The following KIF18A variants were observed in gnomAD, a reference collection of about 807,000 sequenced individuals.
The protein encoded by KIF18A is kinesin-like protein KIF18A.
KIF18A carries 67 observed loss-of-function variants against 103.3 expected under a neutral mutation model. The ratio of observed to expected loss-of-function variants is 0.65; its 90% CI spans 0.53 to 0.79. The LOEUF (loss-of-function observed/expected upper bound fraction) is 0.79, where lower values mean the gene tolerates loss of function less well. KIF18A is among the 30% of genes least tolerant of loss of function. KIF18A has a pLI of 0.00. For synonymous variants in KIF18A, 367 were observed against 355.5 expected (o/e 1.03, Z -0.36); for missense variants, 1,032 against 1,062.5 (o/e 0.97, Z 0.40).
chr11:28,087,408 G>A (rs1851242570), intron 6 of KIF18A, among the ~76,000 whole-genome samples: 1 of 152,166 alleles, frequency 6.6e-6, no homozygotes, highest in Admixed American at 6.5e-5. Flanking sequence ...GCCTGTAAAG[G>A]ACATGAACTC....
intron 14 of KIF18A, among the ~76,000 whole-genome samples, chr11:28,035,748 T>G (rs1850477443): frequency 6.6e-6 from 1 of 151,578 alleles, no homozygotes. Flanking sequence ...TTTCCATATT[T>G]AGATTGGGTA....
At chr11:28,041,584 G>A (rs913279693) in intron 13 of KIF18A, among the ~76,000 whole-genome samples, 1 of 151,776 alleles carries the variant, frequency 6.6e-6, no homozygotes, top group African/African-American at 2.4e-5. Context: ...AGTGTAAAGG[G>A]AGATCTGTGG....
In KIF18A at chr11:28,035,408, T is replaced by C. The variant is rs151299852; in HGVS notation, c.2483A>G (p.Lys828Arg). The change falls in exon 15 of 17, where the codon AAA becomes AGA. Residue 828 changes from lysine to arginine, a missense_variant. Coordinates refer to ENST00000263181, the MANE Select transcript of KIF18A (RefSeq NM_031217.4). ...PSYMAMTTAA[K>R]RKRKLTSSTS... ...ATACCTTGTTAATTTCCGTTTCCTT[T>C]TGGCAGCAGTAGTCATTGCCATGTA... 2.5e-5 allele frequency: 40 copies of C among 1,598,434 alleles called. No individual in the cohort carries two copies. In the African/African-American group the frequency reaches 5.1e-4, roughly 20 times the overall value.
chr11:28,067,500 A>G (rs1040147431), intron 11 of KIF18A, among the ~76,000 whole-genome samples: 1 of 152,110 alleles, frequency 6.6e-6, no homozygotes, highest in Non-Finnish European at 1.5e-5. Context: ...AATCATTTAC[A>G]GCCATTGCTA....
chr11:28,091,541 T>C (rs369922257), intron 3 of KIF18A, 28 bp from the exon 4 acceptor site: 6 of 1,277,072 alleles, frequency 4.7e-6, no homozygotes, highest in South Asian at 1.3e-5. Context: ...TGCTTTAGCA[T>C]TGATGTAAAA....
At position 28,084,690 on chromosome 11, in the gene KIF18A, T is replaced by A; in HGVS notation, c.1016A>T (p.Tyr339Phe). The A allele has an allele frequency of 6.2e-7, 1 of 1,612,982 alleles. No individual in the cohort carries two copies. The highest frequency in any genetic ancestry group is 1.1e-5 in the South Asian group (1 of 91,060). ...IAAVSPSSVF[Y>F]DDTYNTLKYA... ...CTTAAGAGTGTTATATGTGTCATCGTAGAATACAGAGGAAGGACTAACAGC... is the reference window on the plus strand; with the variant it reads ...CTTAAGAGTGTTATATGTGTCATCGAAGAATACAGAGGAAGGACTAACAGC... The change falls in exon 7 of 17, where the codon TAC (tyrosine) becomes TTC (phenylalanine). Residue 339 changes from tyrosine to phenylalanine, a missense_variant. Coordinates refer to ENST00000263181, the MANE Select transcript of KIF18A (RefSeq NM_031217.4).
chr11:28,068,120 AG>A (rs1850961402), intron 11 of KIF18A, among the ~76,000 whole-genome samples: 1 of 152,192 alleles, frequency 6.6e-6, no homozygotes, highest in African/African-American at 2.4e-5. Flanking sequence ...CGTCCTTTGC[AG>A]GGACATGGAT....
intron 13 of KIF18A, among the ~76,000 whole-genome samples, chr11:28,047,140 A>T (rs1257371160): frequency 6.6e-6 from 1 of 151,986 alleles, no homozygotes; most frequent in African/African-American, 2.4e-5. Flanking sequence ...ATATATTCCA[A>T]TAGAAAACAG....
chr11:28,035,454 C>T lies in KIF18A; in HGVS notation c.2437G>A (p.Val813Ile), dbSNP rs200938728. 16 of 1,603,012 alleles carry T rather than the reference C, an allele frequency of 1.0e-5. No homozygotes were observed. The East Asian group carries it at 1.1e-4, about 11-fold the overall frequency. Residue 813 changes from valine (V) to isoleucine (I), a missense_variant, in exon 15 of 17, where the codon GTA becomes ATA. Physicochemically the swap from Val to Ile is conservative, Grantham distance 29. Coordinates refer to ENST00000263181, the MANE Select transcript of KIF18A (RefSeq NM_031217.4). ...SSFSTKHSMP[V>I]PSMVPSYMAM... The stretch of plus-strand genomic sequence containing the variant: ...ATGTAGGATGGCACCATGCTTGGTA[C>T]AGGCATAGAATGCTTAGTTGAGAAT...
intron 5 of KIF18A, among the ~76,000 whole-genome samples, chr11:28,089,930 G>A (rs759131948): frequency 3.3e-5 from 5 of 152,148 alleles, no homozygotes; most frequent in Admixed American, 2.0e-4. Context: ...ATTAATAACC[G>A]AAGAGTTAGT....
intron 15 of KIF18A, among the ~76,000 whole-genome samples, chr11:28,029,343 G>C (rs1850364725): frequency 6.6e-6 from 1 of 152,126 alleles, no homozygotes; most frequent in South Asian, 2.1e-4. Context: ...GAGCAAGTGG[G>C]CTTCATCCCT....
intron 4 of KIF18A, among the ~76,000 whole-genome samples, chr11:28,091,123 A>AAAAT (rs71050943): frequency 5.3e-4 from 78 of 147,342 alleles, no homozygotes; most frequent in African/African-American, 1.9e-3. Flanking sequence ...GCCCGGTCAC[A>AAAAT]AAATAAATAA....
intron 10 of KIF18A, 111 bp downstream of exon 10, chr11:28,076,896 T>C (rs996599577): frequency 7.6e-6 from 4 of 526,710 alleles, no homozygotes; most frequent in Non-Finnish European, 1.2e-5. Context: ...GTTGTGCCAC[T>C]GCACTCCAGC....
Position 28,088,663 on chromosome 11 carries a change from T to G in KIF18A, c.758A>C (p.Lys253Thr), listed in dbSNP as rs111458373. ...TCCTGCCAGGTCAATGAGTGACATC[T>G]TGGCAATACGGACATTTTGATTGAT... is the stretch of plus-strand genomic sequence containing the variant. Reference protein sequence around the residue: ...ASINQNVRIAKMSLIDLAGSE... With the variant: ...ASINQNVRIATMSLIDLAGSE... The change falls in exon 6 of 17, where the codon AAG (lysine) becomes ACG (threonine). Residue 253 changes from lysine (K) to threonine (T), a missense_variant. Transcript: ENST00000263181. The G allele has an allele frequency of 1.9e-6, 3 of 1,614,120 alleles. No individual in the cohort carries two copies. The highest frequency in any genetic ancestry group is 2.5e-6 in the Non-Finnish European group (3 of 1,179,962).
At chr11:28,032,551 C>G (rs904473568) in intron 15 of KIF18A, among the ~76,000 whole-genome samples, 1 of 151,546 alleles carries the variant, frequency 6.6e-6, no homozygotes, top group African/African-American at 2.4e-5. Context: ...TAGAGAGCCC[C>G]AAAATAAATC....
chr11:28,082,289 A>T (rs746413396), intron 9 of KIF18A, among the ~76,000 whole-genome samples: 16 of 152,156 alleles, frequency 1.1e-4, no homozygotes, highest in Non-Finnish European at 1.8e-4. Context: ...AGCATCACAC[A>T]CTACAGATAA....
intron 6 of KIF18A, among the ~76,000 whole-genome samples, chr11:28,087,146 T>A (rs1389668608): frequency 6.6e-6 from 1 of 152,202 alleles, no homozygotes; most frequent in East Asian, 1.9e-4. Flanking sequence ...CTTACATAGG[T>A]ATACATGTGC....
At position 28,036,450 on chromosome 11, in the gene KIF18A, G is replaced by C; in HGVS notation, c.2163C>G (p.Thr721=). 6.2e-7 allele frequency: 1 copy of C among 1,610,818 alleles called. No homozygotes were observed. The highest frequency in any genetic ancestry group is 1.1e-5 in the South Asian group (1 of 90,990). The change falls in exon 14 of 17, where the codon ACC becomes ACG. Residue 721 remains threonine, a synonymous_variant. Coordinates refer to ENST00000263181, the MANE Select transcript of KIF18A (RefSeq NM_031217.4). ...TAGTAAATGATGATGGTTTCATTAA[G>C]GTTACTGTAGACGGATTTTGAAAAG... ...RKAFQNPSTV[T]LMKPSSFTTS... is the part of the protein sequence containing the mutation.
At chr11:28,029,631 G>T (rs1219047242) in intron 15 of KIF18A, among the ~76,000 whole-genome samples, 1 of 152,150 alleles carries the variant, frequency 6.6e-6, no homozygotes, top group Non-Finnish European at 1.5e-5. Context: ...AGACAGGGAT[G>T]CCCTCTCTCA....
Sources: gnomAD v4.1 joint callset for allele counts (sites outside exome capture counted in the v4.1 genomes callset) on GRCh38, gnomAD v4.1.1 for gene constraint, MANE v1.5 for transcripts, NCBI Gene and HGNC (gene_info 2026-07-23, HGNC 2026-07-21) for gene names.